EPHA6: variants seen among roughly 807,000 people sequenced by gnomAD.
EPHA6 encodes EPH receptor A6, also known as ephrin type-A receptor 6.
In EPHA6, 50 loss-of-function variants were observed where a neutral mutation model predicts 112.0. That is an observed-to-expected ratio of 0.45 (90% confidence interval 0.36 to 0.56). The LOEUF (loss-of-function observed/expected upper bound fraction) is 0.56. Ranked by LOEUF, EPHA6 falls within the 20% of genes least tolerant of loss-of-function variation. The pLI is 0.00. For synonymous variants in EPHA6, 529 were observed against 490.7 expected, an observed-to-expected ratio of 1.08 and a Z score of -1.03; for missense variants, 1,280 against 1,417.4, an observed-to-expected ratio of 0.90 and a Z score of 1.56.
At chr3:97,455,193 G>T (rs1287023346) in intron 7 of EPHA6, among the ~76,000 whole-genome samples, 1 of 151,936 alleles carries the variant, frequency 6.6e-6, no homozygotes, top group Non-Finnish European at 1.5e-5. Context: ...TTATTTAGGA[G>T]GTTGTGATAC....
At chr3:97,489,012 C>T (rs1282312462) in intron 10 of EPHA6, among the ~76,000 whole-genome samples, 1 of 152,214 alleles carries the variant, frequency 6.6e-6, no homozygotes. Context: ...CACAGCTTTG[C>T]TACTAGCTCA....
At chr3:97,192,141 A>G (rs1345457366) in intron 3 of EPHA6, among the ~76,000 whole-genome samples, 2 of 151,142 alleles carry the variant, frequency 1.3e-5, no homozygotes, top group African/African-American at 2.4e-5. Context: ...TTTGTTTTTT[A>G]TTTTGTTTTG....
At chr3:97,495,485 T>C (rs1432244287) in intron 10 of EPHA6, among the ~76,000 whole-genome samples, 2 of 151,994 alleles carry the variant, frequency 1.3e-5, no homozygotes, top group Non-Finnish European at 2.9e-5. Flanking sequence ...GAATATATGG[T>C]ATATGTACTT....
chr3:97,561,503 A>C (rs1029733506), intron 11 of EPHA6, among the ~76,000 whole-genome samples: 1 of 152,054 alleles, frequency 6.6e-6, no homozygotes, highest in South Asian at 2.1e-4. Flanking sequence ...CCTCTCTTCA[A>C]TTCTATGAGG....
At chr3:97,265,399 G>T (rs1428214350) in intron 5 of EPHA6, among the ~76,000 whole-genome samples, 1 of 152,072 alleles carries the variant, frequency 6.6e-6, no homozygotes, top group East Asian at 1.9e-4. Context: ...CTCATCACTC[G>T]TCGGTGCCCA....
At chr3:97,436,160 T>C (rs1163394868) in intron 6 of EPHA6, among the ~76,000 whole-genome samples, 3 of 152,130 alleles carry the variant, frequency 2.0e-5, no homozygotes, top group African/African-American at 7.2e-5. Flanking sequence ...AAATCAGTGA[T>C]GAAGTTAGAT....
At chr3:97,315,931 A>C (rs961367823) in intron 5 of EPHA6, among the ~76,000 whole-genome samples, 2 of 151,766 alleles carry the variant, frequency 1.3e-5, no homozygotes, top group African/African-American at 4.8e-5. Flanking sequence ...AACTGCAATC[A>C]AAATGCTATC....
intron 11 of EPHA6, chr3:97,590,265 G>A (rs2093530773): frequency 6.6e-6 from 1 of 152,132 alleles, no homozygotes; most frequent in Non-Finnish European, 1.5e-5. Context: ...ATAGATGAAA[G>A]ACCTTTTTAC....
chr3:96,929,631 G>A (rs962103121), intron 2 of EPHA6, among the ~76,000 whole-genome samples: 7 of 152,116 alleles, frequency 4.6e-5, no homozygotes, highest in African/African-American at 1.4e-4. Context: ...AGGTGACCTG[G>A]CCTTTCTTTC....
intron 3 of EPHA6, among the ~76,000 whole-genome samples, chr3:97,208,145 G>A (rs140403070): frequency 3.1e-3 from 475 of 152,220 alleles, no homozygotes; most frequent in African/African-American, 0.011. Flanking sequence ...ACCCTTGAAT[G>A]TGCCCTTGTA....
At chr3:97,113,700 T>A (rs1334581394) in intron 3 of EPHA6, among the ~76,000 whole-genome samples, 1 of 152,160 alleles carries the variant, frequency 6.6e-6, no homozygotes, top group Non-Finnish European at 1.5e-5. Flanking sequence ...TAACATTTTT[T>A]ACTTCTCTCT....
In EPHA6 at chr3:96,848,039, G is replaced by A. The variant is rs759512586; in HGVS notation, c.386-18786G>A. Among the ~76,000 whole-genome samples, 123 of 152,144 alleles carry A rather than the reference G, an allele frequency of 8.1e-4. 3 individuals carry two copies. In the Middle Eastern group the frequency reaches 0.014, roughly 17 times the overall value. On this transcript the variant is annotated intron_variant, in intron 1 of 17. Transcript: ENST00000389672. ...AAATGTGTTCATTCATTCTACATAG[G>A]CTTGAAATTAAAGTTTCAAAATCAT...
chr3:97,147,052 C>G (rs566867219), intron 3 of EPHA6, among the ~76,000 whole-genome samples: 1 of 152,132 alleles, frequency 6.6e-6, no homozygotes, highest in Non-Finnish European at 1.5e-5. Flanking sequence ...GCAAAGCACG[C>G]TGGCATCATA....
chr3:97,588,492 C>T (rs956415575), intron 11 of EPHA6, among the ~76,000 whole-genome samples: 4 of 152,164 alleles, frequency 2.6e-5, no homozygotes, highest in African/African-American at 9.7e-5. Flanking sequence ...ATTATCCTTA[C>T]TATTAAACTT....
At chr3:96,981,968 G>A (rs1576240818) in intron 2 of EPHA6, among the ~76,000 whole-genome samples, 1 of 152,068 alleles carries the variant, frequency 6.6e-6, no homozygotes, top group East Asian at 1.9e-4. Context: ...AGTCCTGCTA[G>A]CGGTCTATCA....
chr3:97,371,849 G>C (rs567615565), intron 5 of EPHA6, among the ~76,000 whole-genome samples: 1 of 152,040 alleles, frequency 6.6e-6, no homozygotes, highest in Non-Finnish European at 1.5e-5. Context: ...GTCTTTTACC[G>C]TCGTACATAA....
chr3:96,908,926 TAC>T (rs1177108298), intron 2 of EPHA6, among the ~76,000 whole-genome samples: 1 of 151,942 alleles, frequency 6.6e-6, no homozygotes, highest in Non-Finnish European at 1.5e-5. Context: ...GAGCCAGAAA[TAC>T]AGTTTTCAGA....
chr3:97,004,658 A>G (rs2043807066), intron 3 of EPHA6, among the ~76,000 whole-genome samples: 1 of 152,142 alleles, frequency 6.6e-6, no homozygotes. Context: ...GATCCCATTT[A>G]TCAATTATGG....
chr3:96,927,266 C>T (rs1004239112), intron 2 of EPHA6, among the ~76,000 whole-genome samples: 4 of 152,180 alleles, frequency 2.6e-5, no homozygotes, highest in African/African-American at 9.7e-5. Flanking sequence ...AGCCCTGGGC[C>T]TGGCCCAGGA....
Sources: gnomAD v4.1 joint callset for allele counts (sites outside exome capture counted in the v4.1 genomes callset) on GRCh38, gnomAD v4.1.1 for gene constraint, MANE v1.5 for transcripts, NCBI Gene and HGNC (gene_info 2026-07-23, HGNC 2026-07-21) for gene names.